Variants in SMARCD3 observed in about 807,000 individuals in gnomAD.
SMARCD3 encodes the protein SWI/SNF-related matrix-associated actin-dependent regulator of chromatin subfamily D member 3.
Under a neutral mutation model 58.0 loss-of-function variants are expected in SMARCD3, and 14 were observed. The observed-to-expected ratio is 0.24, with a 90% confidence interval of 0.16 to 0.38. The LOEUF is 0.38. SMARCD3 is among the 10% of genes least tolerant of loss of function. The pLI is 1.00. For synonymous variants in SMARCD3, 253 were observed against 253.8 expected, an observed-to-expected ratio of 1.00 and a Z score of 0.03; for missense variants, 408 against 636.9, an observed-to-expected ratio of 0.64 and a Z score of 3.87.
In SMARCD3 at chr7:151,239,472, G is replaced by C; in HGVS notation, c.1322C>G (p.Pro441Arg). 1 of 1,613,806 alleles carries C rather than the reference G, an allele frequency of 6.2e-7. No individual in the cohort carries two copies. The highest frequency in any genetic ancestry group is 8.5e-7 in the Non-Finnish European group (1 of 1,179,940). ...LKVMTDVAGN[P>R]EEERRAEFYH... Reference sequence around the variant, plus strand: ...GAACTCAGCCCGGCGCTCCTCTTCAGGGTTGCCGGCTACATCTGTCATCAC... The same window carrying C: ...GAACTCAGCCCGGCGCTCCTCTTCACGGTTGCCGGCTACATCTGTCATCAC... Residue 441 changes from proline (P) to arginine (R), a missense_variant, in exon 12 of 13, where the codon CCT (proline) becomes CGT (arginine). Physicochemically the swap from Pro to Arg is moderately radical, Grantham distance 103 (BLOSUM62 -2). Coordinates refer to ENST00000262188, the MANE Select transcript of SMARCD3 (RefSeq NM_001003801.2). This position sits in a 1 kb window ranked among gnomAD's most constrained non-coding sequence, Gnocchi z 7.0.
chr7:151,245,703 G>A lies in SMARCD3; in HGVS notation c.79-32C>T, dbSNP rs2150595703. The A allele has an allele frequency of 1.7e-6, 1 of 572,186 alleles. No homozygotes were observed. The highest frequency in any genetic ancestry group is 2.6e-6 in the Non-Finnish European group (1 of 386,024). The allele number at this position is 572,186 out of a possible 1,614,324, so 35.4% of individuals were successfully genotyped here. A position where few individuals can be genotyped will look rare whatever the true frequency, so the allele number is the denominator to read the frequency against. On this transcript the variant is annotated intron_variant, in intron 1 of 12. Transcript: ENST00000262188. The surrounding 1 kb of genome is among the most constrained non-coding windows in gnomAD (Gnocchi z 6.2). ...GTGGGCGGGGGTGAAGCAGAAACGG[G>A]CGCCCGTGGGTCAGACCAGGGCCCC...
Position 151,248,556 on chromosome 7 carries a change from C to T in SMARCD3, c.7G>A (p.Ala3Thr), listed in dbSNP as rs2150599017. 2 of 1,613,816 alleles carry T rather than the reference C, an allele frequency of 1.2e-6. No individual in the cohort carries two copies. Among genetic ancestry groups the T allele is most frequent in the Non-Finnish European group, 1.7e-6 (2 of 1,179,790 alleles). The change falls in exon 1 of 13, where the codon GCG becomes ACG. Residue 3 changes from alanine to threonine, a missense_variant. Coordinates refer to ENST00000262188, the MANE Select transcript of SMARCD3 (RefSeq NM_001003801.2). The surrounding 1 kb of genome is among the most constrained non-coding windows in gnomAD (Gnocchi z 6.1). ...CGCGCCCCTCCGGCAACTTCGTCCG[C>T]GGCCATCGGGGTGGGCTCAGCGGCT... MA[A>T]DEVAGGARKA... is the part of the protein sequence containing the mutation.
chr7:151,240,707 A>C, intron 8 of SMARCD3, 185 bp from the exon 9 acceptor site: 4 of 368,192 alleles, frequency 1.1e-5, no homozygotes, highest in East Asian at 5.2e-5. Context: ...CTGACAAGAT[A>C]GGGGGTGGGT....
chr7:151,256,521 T>A (rs1166591658), intron 2 of SMARCD3, among the ~76,000 whole-genome samples: 3 of 152,016 alleles, frequency 2.0e-5, no homozygotes, highest in Admixed American at 6.6e-5. Context: ...CTTCACCAGC[T>A]CCTCCCCTGC....
At chr7:151,268,362 C>T (rs369342383) in intron 2 of SMARCD3, among the ~76,000 whole-genome samples, 4 of 152,154 alleles carry the variant, frequency 2.6e-5, no homozygotes, top group African/African-American at 9.7e-5. Context: ...GAGAGCCCTC[C>T]GATTTGCCAC....
Position 151,243,246 on chromosome 7 carries a change from TCTCTGC to T in SMARCD3, c.333+407_334-404del, listed in dbSNP as rs1177304715. The stretch of plus-strand genomic sequence containing the variant: ...AGACAGTTGGACAGCGGTGCTTTCT[TCTCTGC>T]TGGCACCTTGCTCAGCCCCCACACC... On this transcript the variant is annotated intron_variant, in intron 3 of 12. Transcript: ENST00000262188. This position sits in a 1 kb window ranked among gnomAD's most constrained non-coding sequence, Gnocchi z 4.4. Among the ~76,000 whole-genome samples, 1 of 152,158 alleles carries T rather than the reference TCTCTGC, an allele frequency of 6.6e-6. No homozygotes were observed. The highest frequency in any genetic ancestry group is 2.4e-5 in the African/African-American group (1 of 41,438).
Position 151,242,395 on chromosome 7 carries a change from A to G in SMARCD3, c.579+86T>C. On this transcript the variant is annotated intron_variant, in intron 5 of 12. Coordinates refer to ENST00000262188, the MANE Select transcript of SMARCD3 (RefSeq NM_001003801.2). This position sits in a 1 kb window ranked among gnomAD's most constrained non-coding sequence, Gnocchi z 4.7. ...TCCACCCAGCCTGGGCTGACTCCCT[A>G]GCCCTTAGTGCAGACACCTTGTTCT... is the stretch of plus-strand genomic sequence containing the variant. 2 of 1,565,144 alleles carry G rather than the reference A, an allele frequency of 1.3e-6. No homozygotes were observed. The highest frequency in any genetic ancestry group is 1.7e-6 in the Non-Finnish European group (2 of 1,143,868).
At chr7:151,260,422 G>T (rs887327427) in intron 2 of SMARCD3, among the ~76,000 whole-genome samples, 1 of 152,160 alleles carries the variant, frequency 6.6e-6, no homozygotes, top group Non-Finnish European at 1.5e-5. Context: ...TACTACCAAG[G>T]TGTCTGAAAT....
chr7:151,242,095 G>T lies in SMARCD3; in HGVS notation c.675+42C>A. The T allele has an allele frequency of 6.4e-7, 1 of 1,553,228 alleles. No homozygotes were observed. The highest frequency in any genetic ancestry group is 8.9e-7 in the Non-Finnish European group (1 of 1,124,602). Reference sequence around the variant, plus strand: ...TGGTTCTTCAGGGATTCTGGCCTGTGGGAGGGTGGCAATTCAAGGGCGGAG... The same window carrying T: ...TGGTTCTTCAGGGATTCTGGCCTGTTGGAGGGTGGCAATTCAAGGGCGGAG... On this transcript the variant is annotated intron_variant, in intron 6 of 12. Coordinates refer to ENST00000262188, the MANE Select transcript of SMARCD3 (RefSeq NM_001003801.2). This position sits in a 1 kb window ranked among gnomAD's most constrained non-coding sequence, Gnocchi z 4.7.
At chr7:151,276,764 G>A (rs1199550201), upstream of SMARCD3, 1 of 137,430 alleles carries the variant, frequency 7.3e-6, no homozygotes, top group East Asian at 2.3e-4. Flanking sequence ...AGGTAGGGAG[G>A]AGGGGAAGTG....
In SMARCD3 at chr7:151,241,068, T is replaced by G. The variant is rs1802962884; in HGVS notation, c.939+424A>C. 2.1e-5 allele frequency: 5 copies of G among 233,628 alleles called. No individual in the cohort carries two copies. In the South Asian group the frequency reaches 3.1e-4, roughly 15 times the overall value. 14.5% of individuals were successfully genotyped at this position (233,628 alleles called of 1,614,324 possible). A position where few individuals can be genotyped will look rare whatever the true frequency, so the allele number is the denominator to read the frequency against. On this transcript the variant is annotated intron_variant, in intron 8 of 12. Coordinates refer to ENST00000262188, the MANE Select transcript of SMARCD3 (RefSeq NM_001003801.2). This position sits in a 1 kb window ranked among gnomAD's most constrained non-coding sequence, Gnocchi z 5.3. Reference sequence around the variant, plus strand: ...TTGCTCAATCACTTTTGCAGCAATTTGATTTTCCTAACTGCCCAGGAGAGT... The same window carrying G: ...TTGCTCAATCACTTTTGCAGCAATTGGATTTTCCTAACTGCCCAGGAGAGT...
intron 2 of SMARCD3, among the ~76,000 whole-genome samples, chr7:151,258,632 C>G (rs1224488686): frequency 2.0e-5 from 3 of 151,512 alleles, no homozygotes; most frequent in Non-Finnish European, 4.4e-5. Flanking sequence ...CTGCTCTAAA[C>G]CCTCCAGGCC....
At position 151,239,186 on chromosome 7, in the gene SMARCD3, G is replaced by T. The variant is rs771189614; in HGVS notation, c.1399-30C>A. The T allele has an allele frequency of 1.9e-5, 31 of 1,612,258 alleles. No individual in the cohort carries two copies. Among genetic ancestry groups the T allele is most frequent in the Non-Finnish European group, 2.5e-5 (30 of 1,178,362 alleles). ...AGAGGAAGTGAGAACAGGAGCAGGT[G>T]TCAGTGTTCTGGTGAGTGATCAGGA... is the stretch of plus-strand genomic sequence containing the variant. On this transcript the variant is annotated intron_variant, in intron 12 of 12. Transcript: ENST00000262188. This position sits in a 1 kb window ranked among gnomAD's most constrained non-coding sequence, Gnocchi z 7.0.
Position 151,242,563 on chromosome 7 carries a change from T to C in SMARCD3, c.497A>G (p.Asn166Ser), listed in dbSNP as rs368824815. 6.2e-7 allele frequency: 1 copy of C among 1,613,838 alleles called. No individual in the cohort carries two copies. Among genetic ancestry groups the C allele is most frequent in the African/African-American group, 1.3e-5 (1 of 74,828 alleles). ...ATCCTCAGCATCAGGCTTCGCAGGG[T>C]TAAAAGTGTTGGAGATATAGAGTCG... ...KLRLYISNTF[N>S]PAKPDAEDSD... Residue 166 changes from asparagine to serine, a missense_variant, in exon 5 of 13, where the codon AAC (asparagine) becomes AGC (serine). By Grantham distance (46) the Asn-to-Ser change is conservative (BLOSUM62 1). Around this residue, in one of 4 missense-constraint regions of SMARCD3, gnomAD observed 128 missense variants for 188.8 expected, o/e 0.68. Transcript: ENST00000262188. The surrounding 1 kb of genome is among the most constrained non-coding windows in gnomAD (Gnocchi z 4.7).
At chr7:151,270,780 G>C (rs574006233) in intron 2 of SMARCD3, among the ~76,000 whole-genome samples, 1 of 152,326 alleles carries the variant, frequency 6.6e-6, no homozygotes, top group South Asian at 2.1e-4. Flanking sequence ...TCTCGTTACT[G>C]TGCTGGGCCG....
In SMARCD3 at chr7:151,241,761, T is replaced by TGG; in HGVS notation, c.778-110_778-109dup. 1 of 1,388,856 alleles carries TGG rather than the reference T, an allele frequency of 7.2e-7. No homozygotes were observed. The highest frequency in any genetic ancestry group is 1.0e-6 in the Non-Finnish European group (1 of 995,136). The allele number at this position is 1,388,856 out of a possible 1,614,324, so 86.0% of individuals were successfully genotyped here. A position where few individuals can be genotyped will look rare whatever the true frequency, so the allele number is the denominator to read the frequency against. On this transcript the variant is annotated intron_variant, in intron 7 of 12. Coordinates refer to ENST00000262188, the MANE Select transcript of SMARCD3 (RefSeq NM_001003801.2). This position sits in a 1 kb window ranked among gnomAD's most constrained non-coding sequence, Gnocchi z 5.3. Reference sequence around the variant, plus strand: ...TGTGTTGATTGAGGAAACATGCCCCTGGGGAAGGATAGGTTTGGGAGGGGA... The same window carrying TGG: ...TGTGTTGATTGAGGAAACATGCCCCTGGGGGGAAGGATAGGTTTGGGAGGGGA...
chr7:151,269,608 G>A (rs908563115), intron 2 of SMARCD3, among the ~76,000 whole-genome samples: 5 of 152,252 alleles, frequency 3.3e-5, no homozygotes, highest in South Asian at 2.1e-4. Flanking sequence ...GGACTTCTGC[G>A]TGTCTGGGTG....
Position 151,245,651 on chromosome 7 carries a change from TC to T in SMARCD3, c.98del (p.Gly33GlufsTer115). The T allele has an allele frequency of 1.9e-6, 2 of 1,039,074 alleles. No individual in the cohort carries two copies. The highest frequency in any genetic ancestry group is 2.4e-6 in the Non-Finnish European group (2 of 820,542). The allele number at this position is 1,039,074 out of a possible 1,614,324, so 64.4% of individuals were successfully genotyped here. On this transcript the variant is annotated frameshift_variant, in exon 2 of 13. Transcript: ENST00000262188. LOFTEE classifies it high-confidence loss of function. The surrounding 1 kb of genome is among the most constrained non-coding windows in gnomAD (Gnocchi z 6.2). Reference protein sequence around the residue: ...VHGVRPGMPSGARMPHQGAPM... With the variant: ...VHGVRPGMPSXARMPHQGAPM... ...GCGCCCCCTGGTGGGGCATCCGGGC[TC>T]CAGACGGCATCCCGGGGCGCTGGGG...
At chr7:151,272,363 T>C (rs1287571579) in intron 2 of SMARCD3, among the ~76,000 whole-genome samples, 1 of 152,178 alleles carries the variant, frequency 6.6e-6, no homozygotes, top group Non-Finnish European at 1.5e-5. Context: ...TCTATCTCTG[T>C]CTCAGTTTCC....
Sources: gnomAD v4.1 joint callset for allele counts (sites outside exome capture counted in the v4.1 genomes callset) on GRCh38, gnomAD v4.1.1 for gene constraint, gnomAD v4.1.1 regional missense constraint, Gnocchi (gnomAD v3.1) non-coding constraint, MANE v1.5 for transcripts, NCBI Gene and HGNC (gene_info 2026-07-23, HGNC 2026-07-21) for gene names.